Variants in RPH3A observed in about 807,000 individuals in gnomAD.
The protein encoded by RPH3A is rabphilin 3A, also known as rabphilin-3A.
Under a neutral mutation model 102.2 loss-of-function variants are expected in RPH3A, and 48 were observed. The observed-to-expected ratio is 0.47, with a 90% CI of 0.37 to 0.60. RPH3A has a LOEUF of 0.60. RPH3A is among the 20% of genes least tolerant of loss of function. RPH3A has a pLI of 0.00. For missense variants in RPH3A, 781 were observed against 910.1 expected (o/e 0.86, Z 1.83); for synonymous variants, 310 against 324.3 (o/e 0.96, Z 0.47).
At chr12:112,849,860 T>G (rs2042293863) in intron 5 of RPH3A, among the ~76,000 whole-genome samples, 1 of 152,180 alleles carries the variant, frequency 6.6e-6, no homozygotes, top group South Asian at 2.1e-4. Flanking sequence ...CTGGCTTATG[T>G]CAGATACTAT....
At chr12:112,667,339 C>T (rs1471977837) in intron 1 of RPH3A, among the ~76,000 whole-genome samples, 1 of 152,098 alleles carries the variant, frequency 6.6e-6, no homozygotes, top group Non-Finnish European at 1.5e-5. Context: ...CATTAGGAAG[C>T]TCAAATAATA....
intron 2 of RPH3A, among the ~76,000 whole-genome samples, chr12:112,801,478 G>A (rs2041352841): frequency 6.6e-6 from 1 of 152,212 alleles, no homozygotes; most frequent in Non-Finnish European, 1.5e-5. Flanking sequence ...GAGGGGTCCA[G>A]GCATGTCTTC....
rs1283812209 is a variant in RPH3A, at chr12:112,895,862, A to G, written c.1943A>G (p.Asn648Ser). 7.4e-6 allele frequency: 12 copies of G among 1,611,626 alleles called. No individual in the cohort carries two copies. Among genetic ancestry groups the G allele is most frequent in the East Asian group, 2.2e-5 (1 of 44,888 alleles). Residue 648 changes from asparagine to serine, a missense_variant, in exon 21 of 22, where the codon AAT (asparagine) becomes AGT (serine). By Grantham distance (46) the Asn-to-Ser change is conservative. This residue lies in a region of RPH3A where 51 missense variants were observed against 100.1 expected (regional missense o/e 0.51). Coordinates refer to ENST00000389385, the MANE Select transcript of RPH3A (RefSeq NM_001143854.2). ...SVWDYDIGKS[N>S]DYIGGCQLGI... ...TGGGACTATGACATCGGCAAGTCCA[A>G]TGATTACATCGGTGAGTGTTCCTAA...
intron 2 of RPH3A, among the ~76,000 whole-genome samples, chr12:112,796,727 G>A (rs778722355): frequency 6.6e-6 from 1 of 152,216 alleles, no homozygotes; most frequent in Non-Finnish European, 1.5e-5. Flanking sequence ...CTGGCACCAT[G>A]ATGGGCATTG....
At chr12:112,887,338 C>T (rs2043018031) in intron 16 of RPH3A, among the ~76,000 whole-genome samples, 1 of 152,206 alleles carries the variant, frequency 6.6e-6, no homozygotes, top group African/African-American at 2.4e-5. Context: ...TGCATGGATG[C>T]ATCTCACAGA....
intron 10 of RPH3A, among the ~76,000 whole-genome samples, chr12:112,871,730 G>T (rs993019551): frequency 6.8e-6 from 1 of 146,358 alleles, no homozygotes; most frequent in African/African-American, 2.5e-5. Flanking sequence ...ACATAATATA[G>T]TGTACATATA....
At chr12:112,687,081 C>G (rs2040271184) in intron 1 of RPH3A, among the ~76,000 whole-genome samples, 1 of 152,218 alleles carries the variant, frequency 6.6e-6, no homozygotes, top group Non-Finnish European at 1.5e-5. Context: ...CACCACTGCA[C>G]CACTCCAGCC....
intron 1 of RPH3A, among the ~76,000 whole-genome samples, chr12:112,765,742 T>C (rs2040883956): frequency 2.0e-5 from 3 of 152,224 alleles, no homozygotes; most frequent in Admixed American, 2.0e-4. Flanking sequence ...ACACTGAGGC[T>C]GGACCATAGG....
intron 2 of RPH3A, among the ~76,000 whole-genome samples, chr12:112,815,974 G>A (rs1002862714): frequency 1.1e-4 from 16 of 152,148 alleles, no homozygotes; most frequent in African/African-American, 3.4e-4. Context: ...TCTGTTGAAC[G>A]ATGTCTGGTG....
chr12:112,797,276 T>A (rs1256366029), intron 2 of RPH3A, among the ~76,000 whole-genome samples: 3 of 152,214 alleles, frequency 2.0e-5, no homozygotes. Flanking sequence ...GCCTTATTAG[T>A]CATTCACACT....
chr12:112,828,896 T>C (rs912258722), intron 3 of RPH3A, among the ~76,000 whole-genome samples: 2 of 152,256 alleles, frequency 1.3e-5, no homozygotes, highest in African/African-American at 4.8e-5. Context: ...TGACATGTCT[T>C]CAAAATATCA....
intron 2 of RPH3A, among the ~76,000 whole-genome samples, chr12:112,817,754 C>T (rs185213881): frequency 5.9e-4 from 90 of 152,174 alleles, no homozygotes; most frequent in Non-Finnish European, 9.4e-4. Flanking sequence ...AAGGTCTCAG[C>T]GGGCCTTAGT....
intron 1 of RPH3A, among the ~76,000 whole-genome samples, chr12:112,610,491 A>C (rs1448537504): frequency 1.4e-5 from 2 of 140,620 alleles, no homozygotes. Context: ...CAACAGAGTG[A>C]GACTCTGTCT....
chr12:112,823,456 G>C (rs2041815789), intron 2 of RPH3A, among the ~76,000 whole-genome samples: 1 of 152,190 alleles, frequency 6.6e-6, no homozygotes, highest in Admixed American at 6.5e-5. Flanking sequence ...TTGGTGCATA[G>C]CAGGTGCTCA....
chr12:112,771,516 A>G (rs1359912487), intron 1 of RPH3A, among the ~76,000 whole-genome samples: 1 of 152,208 alleles, frequency 6.6e-6, no homozygotes, highest in Non-Finnish European at 1.5e-5. Flanking sequence ...CAATGCTGCA[A>G]TAAATATACT....
At chr12:112,604,897 T>C (rs1592903020) in intron 1 of RPH3A, among the ~76,000 whole-genome samples, 1 of 152,004 alleles carries the variant, frequency 6.6e-6, no homozygotes, top group African/African-American at 2.4e-5. Flanking sequence ...ACCCCCAGAG[T>C]GAGCAATCTG....
intron 1 of RPH3A, among the ~76,000 whole-genome samples, chr12:112,720,794 C>T (rs929745386): frequency 1.6e-4 from 25 of 152,188 alleles, no homozygotes; most frequent in African/African-American, 6.0e-4. Context: ...CAAGTCAGAG[C>T]ACATGGTTGA....
chr12:112,637,332 G>A (rs2039855916), intron 1 of RPH3A, among the ~76,000 whole-genome samples: 2 of 152,118 alleles, frequency 1.3e-5, no homozygotes, highest in African/African-American at 4.8e-5. Context: ...AAAATAGTAT[G>A]AGTCTGTGAG....
chr12:112,693,465 A>G (rs573649953), intron 1 of RPH3A, among the ~76,000 whole-genome samples: 1 of 152,236 alleles, frequency 6.6e-6, no homozygotes, highest in Admixed American at 6.5e-5. Flanking sequence ...TCATCCTTGC[A>G]CTTGGGATAA....
Sources: gnomAD v4.1 joint callset for allele counts (sites outside exome capture counted in the v4.1 genomes callset) on GRCh38, gnomAD v4.1.1 for gene constraint, gnomAD v4.1.1 regional missense constraint, MANE v1.5 for transcripts, NCBI Gene and HGNC (gene_info 2026-07-23, HGNC 2026-07-21) for gene names.